Variants in SPMIP3 observed in about 807,000 individuals in gnomAD.
SPMIP3 encodes sperm microtubule inner protein 3, also known as protein SPMIP3.
At chr1:244,361,357 C>T in the SPMIP3 span, among the ~76,000 whole-genome samples, 2 of 151,356 alleles carry the variant, frequency 1.3e-5, no homozygotes, top group Non-Finnish European at 2.9e-5. Context: ...GCCTCCCAAG[C>T]AGCTGGGATT....
chr1:244,378,503 A>T, the SPMIP3 span: 1 of 1,613,880 alleles, frequency 6.2e-7, no homozygotes, highest in Non-Finnish European at 8.5e-7. Context: ...CCAAGACAAA[A>T]TATCACTATC....
At chr1:244,372,897 T>C in the SPMIP3 span, among the ~76,000 whole-genome samples, 8,389 of 152,238 alleles carry the variant, frequency 0.055, 848 homozygotes, top group African/African-American at 0.19. Flanking sequence ...TTCTTTCCAA[T>C]GCCTGAAGAT....
At chr1:244,365,682 G>C in the SPMIP3 span, among the ~76,000 whole-genome samples, 6 of 152,164 alleles carry the variant, frequency 3.9e-5, no homozygotes, top group African/African-American at 7.2e-5. Context: ...ATTGGGTTTA[G>C]GGAAAGTTGT....
chr1:244,357,680 C>T, the SPMIP3 span, among the ~76,000 whole-genome samples: 1 of 131,438 alleles, frequency 7.6e-6, no homozygotes, highest in Admixed American at 9.1e-5. Flanking sequence ...TGCACTCCAG[C>T]CTGGGTGACA....
the SPMIP3 span, among the ~76,000 whole-genome samples, chr1:244,375,683 G>A: frequency 6.6e-6 from 1 of 151,146 alleles, no homozygotes; most frequent in Non-Finnish European, 1.5e-5. Context: ...TTGCTGTTTT[G>A]AGAAAAGGTA....
At chr1:244,369,465 A>T in the SPMIP3 span, among the ~76,000 whole-genome samples, 1 of 152,246 alleles carries the variant, frequency 6.6e-6, no homozygotes, top group Admixed American at 6.5e-5. Context: ...TCTCTGGGGT[A>T]CAACCCGTGG....
the SPMIP3 span, among the ~76,000 whole-genome samples, chr1:244,377,282 C>T: frequency 3.3e-5 from 5 of 152,008 alleles, no homozygotes; most frequent in African/African-American, 7.2e-5. Context: ...CCACCATGCC[C>T]GACTAATTCT....
chr1:244,381,853 C>G, the SPMIP3 span, among the ~76,000 whole-genome samples: 1 of 152,190 alleles, frequency 6.6e-6, no homozygotes, highest in Non-Finnish European at 1.5e-5. Context: ...ATTGCTTGAA[C>G]CCAGGAGGTG....
the SPMIP3 span, among the ~76,000 whole-genome samples, chr1:244,368,253 C>T: frequency 2.0e-5 from 3 of 152,242 alleles, no homozygotes; most frequent in African/African-American, 7.2e-5. Flanking sequence ...GCCACTGCAC[C>T]TGGCCTACTT....
At chr1:244,369,287 A>T in the SPMIP3 span, among the ~76,000 whole-genome samples, 1 of 152,254 alleles carries the variant, frequency 6.6e-6, no homozygotes. Flanking sequence ...TCCTGAAAAG[A>T]TCACTTTAAG....
the SPMIP3 span, chr1:244,378,612 G>C: frequency 1.2e-6 from 2 of 1,613,800 alleles, no homozygotes; most frequent in Non-Finnish European, 1.7e-6. Flanking sequence ...TTACCGACGA[G>C]ACTATTCTCT....
chr1:244,383,968 T>C, the SPMIP3 span, among the ~76,000 whole-genome samples: 1 of 152,138 alleles, frequency 6.6e-6, no homozygotes, highest in African/African-American at 2.4e-5. Flanking sequence ...ACAAATTGGG[T>C]TCAGTGTACA....
chr1:244,388,986 C>T, the SPMIP3 span: 2 of 1,613,984 alleles, frequency 1.2e-6, no homozygotes, highest in Non-Finnish European at 1.7e-6. Context: ...TTCGCTGAAT[C>T]CTCGACCGCT....
chr1:244,360,509 T>TAC, the SPMIP3 span, among the ~76,000 whole-genome samples: 5,470 of 58,836 alleles, frequency 0.093, 152 homozygotes, highest in Middle Eastern at 0.14. Context: ...AAACGTGATA[T>TAC]ACACACACAC....
chr1:244,382,211 A>G, the SPMIP3 span, among the ~76,000 whole-genome samples: 2 of 110,256 alleles, frequency 1.8e-5, no homozygotes, highest in African/African-American at 7.7e-5. Context: ...AGCATAGCCA[A>G]GTGCATTTTT....
chr1:244,354,580 C>T, the SPMIP3 span, among the ~76,000 whole-genome samples: 1 of 152,114 alleles, frequency 6.6e-6, no homozygotes, highest in South Asian at 2.1e-4. Context: ...AGGCTGGTCT[C>T]GAACTCCTGA....
chr1:244,354,946 A>G, the SPMIP3 span, among the ~76,000 whole-genome samples: 1 of 152,212 alleles, frequency 6.6e-6, no homozygotes. Flanking sequence ...GTGTGGCTCT[A>G]TGATTAATCT....
At chr1:244,369,110 A>G in the SPMIP3 span, among the ~76,000 whole-genome samples, 2 of 152,264 alleles carry the variant, frequency 1.3e-5, no homozygotes, top group East Asian at 3.9e-4. Context: ...CAGTGAGCCA[A>G]GATTGCACCA....
the SPMIP3 span, chr1:244,378,461 A>C: frequency 1.2e-6 from 2 of 1,605,086 alleles, no homozygotes; most frequent in Non-Finnish European, 1.7e-6. Flanking sequence ...TTCTATTTCC[A>C]TTTAGACCGC....
Sources: gnomAD v4.1 joint callset for allele counts (sites outside exome capture counted in the v4.1 genomes callset) on GRCh38, gnomAD v4.1.1 for gene constraint, MANE v1.5 for transcripts, NCBI Gene and HGNC (gene_info 2026-07-23, HGNC 2026-07-21) for gene names.